The following GDPD3 variants were observed in gnomAD, a reference collection of about 807,000 sequenced individuals.
GDPD3 encodes the protein lysophospholipase D GDPD3.
In GDPD3, 40 loss-of-function variants were observed where a neutral mutation model predicts 43.7. The observed-to-expected ratio is 0.91, with a 90% CI of 0.71 to 1.19. The LOEUF (loss-of-function observed/expected upper bound fraction) is 1.19, where lower values mean the gene tolerates loss of function less well. Ranked by LOEUF, GDPD3 falls within the 50% of genes most tolerant of loss-of-function variation. GDPD3 has a pLI of 0.00. For synonymous variants in GDPD3, 145 were observed against 162.9 expected (o/e 0.89, Z 0.84); for missense variants, 363 against 415.8 (o/e 0.87, Z 1.11).
chr16:30,113,097 T>C lies in GDPD3; in HGVS notation c.140-33A>G. Reference sequence around the variant, plus strand: ...GGGCACTGGAGTGGGCCTCTGGGGCTTGGGGTCTAGGGGCCTGGCCCAACC... The same window carrying C: ...GGGCACTGGAGTGGGCCTCTGGGGCCTGGGGTCTAGGGGCCTGGCCCAACC... On this transcript the variant is annotated intron_variant, in intron 1 of 9. Coordinates refer to ENST00000406256, the MANE Select transcript of GDPD3 (RefSeq NM_024307.3). The surrounding 1 kb of genome is among the most constrained non-coding windows in gnomAD (Gnocchi z 5.9). 1 of 1,596,992 alleles carries C rather than the reference T, an allele frequency of 6.3e-7. No individual in the cohort carries two copies. The highest frequency in any genetic ancestry group is 1.1e-5 in the South Asian group (1 of 90,362).
Position 30,113,398 on chromosome 16 carries a change from A to G in GDPD3, c.81T>C (p.His27=). 1 of 1,612,388 alleles carries G rather than the reference A, an allele frequency of 6.2e-7. No homozygotes were observed. Among genetic ancestry groups the G allele is most frequent in the Non-Finnish European group, 8.5e-7 (1 of 1,179,002 alleles). ...MLSIFFLRRP[H]LLHTPRAPTF... ...TGGGAGCCCTGGGCGTGTGCAGCAG[A>G]TGAGGCCGGCGCAGGAAGAAGATGG... The change falls in exon 1 of 10, where the codon CAT becomes CAC. Residue 27 remains histidine, a synonymous_variant. Coordinates refer to ENST00000406256, the MANE Select transcript of GDPD3 (RefSeq NM_024307.3). The surrounding 1 kb of genome is among the most constrained non-coding windows in gnomAD (Gnocchi z 5.9).
rs949561849 is a variant in GDPD3, at chr16:30,111,057, CTG to C, written c.707+329_707+330del. ...ATGAACGAATGTCTCCCCAGCCAGA[CTG>C]TAAGCTCACCAAGGACCTCTCCCCA... On this transcript the variant is annotated intron_variant, in intron 7 of 9. Coordinates refer to ENST00000406256, the MANE Select transcript of GDPD3 (RefSeq NM_024307.3). 1.3e-4 allele frequency: 25 copies of C among 188,838 alleles called. No individual in the cohort carries two copies. In the South Asian group the frequency reaches 1.3e-3, roughly 10 times the overall value. 11.7% of individuals were successfully genotyped at this position (188,838 alleles called of 1,614,324 possible).
chr16:30,109,371 G>A (rs150773264), intron 7 of GDPD3, among the ~76,000 whole-genome samples: 13,865 of 152,224 alleles, frequency 0.091, 817 homozygotes, highest in African/African-American at 0.15. Flanking sequence ...TTAGCCGGGC[G>A]TGGTGGCAGA....
At chr16:30,106,911 G>A (rs55678597) in intron 9 of GDPD3, among the ~76,000 whole-genome samples, 15,817 of 152,186 alleles carry the variant, frequency 0.1, 1,127 homozygotes, top group African/African-American at 0.19. Context: ...GTTTCACAAT[G>A]TTGGCCAGGC....
chr16:30,108,273 G>A lies in GDPD3; in HGVS notation c.768-9C>T, dbSNP rs746718095. 6.2e-7 allele frequency: 1 copy of A among 1,612,794 alleles called. No individual in the cohort carries two copies. The highest frequency in any genetic ancestry group is 2.2e-5 in the East Asian group (1 of 44,776). The stretch of plus-strand genomic sequence containing the variant: ...TCTTCCTCATGATCAGCCTGGGGGT[G>A]GGGTGGGGACGTGGGAGGTGATGAT... On this transcript the variant is annotated splice_polypyrimidine_tract_variant and intron_variant, in intron 8 of 9. Transcript: ENST00000406256.
intron 6 of GDPD3, chr16:30,111,874 A>G: frequency 1.8e-6 from 1 of 559,804 alleles, no homozygotes; most frequent in Admixed American, 3.1e-5. Flanking sequence ...CAGAGGTTGC[A>G]GTGAGCCGAG....
At position 30,111,682 on chromosome 16, in the gene GDPD3, C is replaced by T; in HGVS notation, c.574-161G>A. On this transcript the variant is annotated intron_variant, in intron 6 of 9. Coordinates refer to ENST00000406256, the MANE Select transcript of GDPD3 (RefSeq NM_024307.3). The stretch of plus-strand genomic sequence containing the variant: ...GTGTGGTGGCTCACGCCTGTAACCT[C>T]AGCAGTTTGGGAGGCTGAGGCAGGT... The T allele has an allele frequency of 4.1e-6, 3 of 728,378 alleles. No homozygotes were observed. The South Asian group carries it at 5.3e-5, about 13-fold the overall frequency. The allele number at this position is 728,378 out of a possible 1,614,324, so 45.1% of individuals were successfully genotyped here.
intron 9 of GDPD3, among the ~76,000 whole-genome samples, chr16:30,106,516 C>T (rs993368990): frequency 3.3e-5 from 5 of 151,938 alleles, no homozygotes; most frequent in East Asian, 1.9e-4. Context: ...CTGAGGTAGG[C>T]GGAGATGGGA....
Position 30,112,143 on chromosome 16 carries a change from A to G in GDPD3, c.562T>C (p.Cys188Arg). Residue 188 changes from cysteine to arginine, a missense_variant, in exon 6 of 10, where the codon TGC becomes CGC. Transcript: ENST00000406256. This position sits in a 1 kb window ranked among gnomAD's most constrained non-coding sequence, Gnocchi z 5.4. Reference protein sequence around the residue: ...ASEKSSVMKKCKAANPEMPLS... With the variant: ...ASEKSSVMKKRKAANPEMPLS... The stretch of plus-strand genomic sequence containing the variant: ...GTGGGGGGACTCACGGCAGCCTTGC[A>G]TTTCTTCATGACCGAGCTCTTCTCC... The G allele has an allele frequency of 6.2e-7, 1 of 1,613,608 alleles. No individual in the cohort carries two copies. Among genetic ancestry groups the G allele is most frequent in the Non-Finnish European group, 8.5e-7 (1 of 1,179,838 alleles).
intron 9 of GDPD3, among the ~76,000 whole-genome samples, chr16:30,106,857 C>CG (rs1398582954): frequency 2.0e-5 from 3 of 151,854 alleles, no homozygotes; most frequent in African/African-American, 7.3e-5. Context: ...TACAGGCATG[C>CG]GCCACCATAC....
chr16:30,108,055 G>T, intron 9 of GDPD3, 158 bp downstream of exon 9: 2 of 597,818 alleles, frequency 3.3e-6, no homozygotes, highest in Non-Finnish European at 6.0e-6. Flanking sequence ...GTGTGTGTGT[G>T]TGTATCCAGA....
Position 30,113,387 on chromosome 16 carries a change from G to C in GDPD3, c.92C>G (p.Thr31Arg). ...FFLRRPHLLH[T>R]PRAPTFRIRL... ...GATGCGGAAGGTGGGAGCCCTGGGC[G>C]TGTGCAGCAGATGAGGCCGGCGCAG... Residue 31 changes from threonine (T) to arginine (R), a missense_variant, in exon 1 of 10, where the codon ACG (threonine) becomes AGG (arginine). Thr to Arg is a moderately conservative substitution (Grantham distance 71, BLOSUM62 -1). Coordinates refer to ENST00000406256, the MANE Select transcript of GDPD3 (RefSeq NM_024307.3). This position sits in a 1 kb window ranked among gnomAD's most constrained non-coding sequence, Gnocchi z 5.9. 1 of 1,611,936 alleles carries C rather than the reference G, an allele frequency of 6.2e-7. No individual in the cohort carries two copies. The highest frequency in any genetic ancestry group is 8.5e-7 in the Non-Finnish European group (1 of 1,178,722).
chr16:30,108,323 G>T, intron 8 of GDPD3, 50 bp downstream of exon 8: 1 of 1,612,584 alleles, frequency 6.2e-7, no homozygotes, highest in Non-Finnish European at 8.5e-7. Flanking sequence ...GAGAAGGGCA[G>T]CAGTAGGTCT....
chr16:30,113,404 C>G lies in GDPD3; in HGVS notation c.75G>C (p.Arg25=). 1.2e-6 allele frequency: 2 copies of G among 1,612,410 alleles called. No homozygotes were observed. The highest frequency in any genetic ancestry group is 8.5e-7 in the Non-Finnish European group (1 of 1,179,028). The change falls in exon 1 of 10, where the codon CGG becomes CGC. Residue 25 remains arginine (R), a synonymous_variant. Transcript: ENST00000406256. This position sits in a 1 kb window ranked among gnomAD's most constrained non-coding sequence, Gnocchi z 5.9. ...CCCTGGGCGTGTGCAGCAGATGAGG[C>G]CGGCGCAGGAAGAAGATGGAGAGCA... ...YAMLSIFFLR[R]PHLLHTPRAP... is the part of the protein sequence containing the mutation.
rs1470331253 is a variant in GDPD3 at position 30,112,893 on chromosome 16, G to A, written c.183-100C>T. ...GGAATGTGAGAGCGGAGTTCGTGGCGGGATGTGCAGGCCACCTCCAGGGGG... is the reference window on the plus strand; with the variant it reads ...GGAATGTGAGAGCGGAGTTCGTGGCAGGATGTGCAGGCCACCTCCAGGGGG... On this transcript the variant is annotated intron_variant, in intron 2 of 9. Transcript: ENST00000406256. This position sits in a 1 kb window ranked among gnomAD's most constrained non-coding sequence, Gnocchi z 5.4. 4.7e-6 allele frequency: 7 copies of A among 1,490,554 alleles called. No individual in the cohort carries two copies. The highest frequency in any genetic ancestry group is 4.1e-5 in the African/African-American group (3 of 72,604). The allele number at this position is 1,490,554 out of a possible 1,614,324, so 92.3% of individuals were successfully genotyped here.
intron 9 of GDPD3, among the ~76,000 whole-genome samples, chr16:30,107,392 G>GCTA (rs1567350048): frequency 6.6e-6 from 1 of 151,746 alleles, no homozygotes; most frequent in Non-Finnish European, 1.5e-5. Flanking sequence ...ACAGGTGGGA[G>GCTA]CCGTGCCCAG....
chr16:30,105,632 G>GTAGC (rs2151039169), intron 9 of GDPD3, among the ~76,000 whole-genome samples: 1 of 150,824 alleles, frequency 6.6e-6, no homozygotes, highest in South Asian at 2.1e-4. Context: ...AGCCTCCTGA[G>GTAGC]TAGCTGGGAC....
intron 6 of GDPD3, chr16:30,111,783 AT>A (rs1358765235): frequency 3.8e-6 from 2 of 521,204 alleles, no homozygotes; most frequent in East Asian, 7.0e-5. Context: ...AAATACAAAA[AT>A]TAGCTGGGCG....
chr16:30,111,297 G>T, intron 7 of GDPD3, 91 bp downstream of exon 7: 1 of 1,414,024 alleles, frequency 7.1e-7, no homozygotes, highest in South Asian at 1.3e-5. Context: ...TATCTCTGAG[G>T]GGAGCTGGGG....
Sources: gnomAD v4.1 joint callset for allele counts (sites outside exome capture counted in the v4.1 genomes callset) on GRCh38, gnomAD v4.1.1 for gene constraint, Gnocchi (gnomAD v3.1) non-coding constraint, MANE v1.5 for transcripts, NCBI Gene and HGNC (gene_info 2026-07-23, HGNC 2026-07-21) for gene names.